The following DIAPH2 variants were observed in gnomAD, a reference collection of about 807,000 sequenced individuals.
DIAPH2 encodes the protein diaphanous related formin 2, also known as protein diaphanous homolog 2.
A neutral mutation model predicts 92.7 loss-of-function variants in DIAPH2; 35 were observed. The ratio of observed to expected loss-of-function variants is 0.38; its 90% CI spans 0.29 to 0.50. The LOEUF (loss-of-function observed/expected upper bound fraction) is 0.50, where lower values mean the gene tolerates loss of function less well. Among genes scored for constraint, DIAPH2 ranks in the 20% least tolerant of loss-of-function variants. The probability of loss-of-function intolerance (pLI) is 0.94; values close to 1 mark genes in which losing one functional copy is unlikely to be tolerated. For missense variants in DIAPH2, 701 were observed against 819.5 expected, an observed-to-expected ratio of 0.86 and a Z score of 1.77; for synonymous variants, 301 against 280.4, an observed-to-expected ratio of 1.07 and a Z score of -0.73.
intron 26 of DIAPH2, among the ~76,000 whole-genome samples, chrX:97,537,094 G>T (rs2071101987): frequency 9.0e-6 from 1 of 111,694 alleles, no homozygotes; most frequent in Non-Finnish European, 1.9e-5. Flanking sequence ...CATCTCAGAA[G>T]CATTAAGGGC....
Position 97,238,209 on chromosome X carries a change from CCTT to C in DIAPH2, c.2720-9505_2720-9503del, listed in dbSNP as rs760756340. On this transcript the variant is annotated intron_variant, in intron 22 of 26. Coordinates refer to ENST00000324765, the MANE Select transcript of DIAPH2 (RefSeq NM_006729.5). Reference sequence around the variant, plus strand: ...AGACAGTTTCAAACTTTCCCTTCCTCCTTGTTTTCTTTTTGTTAGAAGTCTCTC... The same window carrying C: ...AGACAGTTTCAAACTTTCCCTTCCTCGTTTTCTTTTTGTTAGAAGTCTCTC... Among the ~76,000 whole-genome samples the C allele has an allele frequency of 6.8e-3, 767 of 112,035 alleles. 9 individuals are homozygous for C. The highest frequency in any genetic ancestry group is 0.024 in the African/African-American group (737 of 30,899).
At chrX:97,362,496 CTGTT>C (rs755981689) in intron 24 of DIAPH2, among the ~76,000 whole-genome samples, 10 of 112,464 alleles carry the variant, frequency 8.9e-5, no homozygotes, top group African/African-American at 3.2e-4. Context: ...TTATCCTTCA[CTGTT>C]TGCGTTCTGT....
intron 9 of DIAPH2, among the ~76,000 whole-genome samples, chrX:96,921,744 C>T (rs1239487026): frequency 1.0e-5 from 1 of 97,695 alleles, no homozygotes; most frequent in African/African-American, 3.7e-5. Context: ...CCTCCTCTTA[C>T]TTCCTGGGTA....
chrX:97,024,961 C>G (rs187589562), intron 17 of DIAPH2, among the ~76,000 whole-genome samples: 23 of 111,994 alleles, frequency 2.1e-4, no homozygotes, highest in African/African-American at 7.5e-4. Context: ...CGATATATCA[C>G]TGTATTGGAA....
At chrX:97,596,573 CA>C (rs2071553130) in intron 26 of DIAPH2, among the ~76,000 whole-genome samples, 2 of 111,591 alleles carry the variant, frequency 1.8e-5, no homozygotes, top group African/African-American at 6.5e-5. Context: ...GCTCTCAGAT[CA>C]TATCACATGA....
intron 17 of DIAPH2, among the ~76,000 whole-genome samples, chrX:96,979,870 A>G (rs2065983637): frequency 8.9e-6 from 1 of 111,750 alleles, no homozygotes; most frequent in Non-Finnish European, 1.9e-5. Flanking sequence ...GGAGCTAGCC[A>G]GCTGTTTTGG....
intron 23 of DIAPH2, among the ~76,000 whole-genome samples, chrX:97,291,833 C>T (rs1348942997): frequency 9.0e-6 from 1 of 111,435 alleles, no homozygotes; most frequent in African/African-American, 3.3e-5. Flanking sequence ...CCACCGGGCC[C>T]AGCAAGTAAA....
chrX:97,173,640 T>G (rs1198760883), intron 22 of DIAPH2, among the ~76,000 whole-genome samples: 1 of 111,482 alleles, frequency 9.0e-6, no homozygotes, highest in Non-Finnish European at 1.9e-5. Context: ...ACCTGGTGGC[T>G]CAGACCTGTA....
chrX:97,326,361 G>A (rs755934916), intron 23 of DIAPH2, among the ~76,000 whole-genome samples: 6 of 111,778 alleles, frequency 5.4e-5, no homozygotes, highest in South Asian at 3.7e-4. Flanking sequence ...GAATGCGACC[G>A]CCATATATTA....
chrX:96,992,391 C>G (rs1203423609), intron 17 of DIAPH2, among the ~76,000 whole-genome samples: 2 of 111,893 alleles, frequency 1.8e-5, no homozygotes, highest in African/African-American at 6.5e-5. Context: ...CTTTTTAACA[C>G]AAGCCATGTT....
intron 26 of DIAPH2, among the ~76,000 whole-genome samples, chrX:97,465,273 C>CACACACACACA (rs1569404531): frequency 0.011 from 1,170 of 106,846 alleles, 15 homozygotes; most frequent in African/African-American, 0.038. Flanking sequence ...TAGAATTCAC[C>CACACACACACA]CACACACACA....
rs770571340 is a variant in DIAPH2, at chrX:97,075,180, A to G, written c.2166A>G (p.Gly722=). ...ATTTTATTTTAGCCATCTTTCTGGG[A>G]TCATATCGCATGCCATATGAAGACA... ...KTAQNLSIFL[G]SYRMPYEDIR... is the part of the protein sequence containing the mutation. The change falls in exon 19 of 27, where the codon GGA becomes GGG. Residue 722 remains glycine (G), a synonymous_variant. Coordinates refer to ENST00000324765, the MANE Select transcript of DIAPH2 (RefSeq NM_006729.5). The G allele has an allele frequency of 8.5e-7, 1 of 1,178,496 alleles. No homozygotes were observed. The highest frequency in any genetic ancestry group is 1.9e-5 in the South Asian group (1 of 53,159).
At position 96,871,234 on chromosome X, in the gene DIAPH2, C is replaced by A. The variant is rs1046363295; in HGVS notation, c.448-10345C>A. 2.7e-5 allele frequency among the ~76,000 whole-genome samples: 3 copies of A among 110,071 alleles called. No individual in the cohort carries two copies. The Admixed American group carries it at 2.9e-4, about 11-fold the overall frequency. On this transcript the variant is annotated intron_variant, in intron 4 of 26. Coordinates refer to ENST00000324765, the MANE Select transcript of DIAPH2 (RefSeq NM_006729.5). The stretch of plus-strand genomic sequence containing the variant: ...CTGTAATCCCAGCACTTTGGGAGGC[C>A]GAGGCGGGAGGATCATGAGGTCAGG...
At chrX:97,348,629 T>C (rs972169048) in intron 24 of DIAPH2, among the ~76,000 whole-genome samples, 2 of 112,132 alleles carry the variant, frequency 1.8e-5, no homozygotes, top group Admixed American at 9.5e-5. Flanking sequence ...ATCTAGAACT[T>C]TTCACATAAT....
intron 17 of DIAPH2, among the ~76,000 whole-genome samples, chrX:97,064,538 G>A (rs748519359): frequency 6.4e-5 from 7 of 109,685 alleles, no homozygotes; most frequent in South Asian, 4.0e-4. Context: ...TCCATCTCTC[G>A]TCTCTAGTCT....
intron 22 of DIAPH2, among the ~76,000 whole-genome samples, chrX:97,215,524 G>A (rs979278781): frequency 8.9e-6 from 1 of 112,075 alleles, no homozygotes; most frequent in African/African-American, 3.2e-5. Flanking sequence ...CATCAGCCAT[G>A]TCATTATTGA....
intron 26 of DIAPH2, among the ~76,000 whole-genome samples, chrX:97,577,514 A>G (rs1000153374): frequency 2.7e-5 from 3 of 112,170 alleles, no homozygotes; most frequent in Non-Finnish European, 5.6e-5. Flanking sequence ...TGGAGTCGAG[A>G]GGAGAGAAAG....
At chrX:97,464,824 T>C (rs930227297) in intron 26 of DIAPH2, among the ~76,000 whole-genome samples, 3 of 111,709 alleles carry the variant, frequency 2.7e-5, no homozygotes, top group Non-Finnish European at 5.6e-5. Flanking sequence ...CATAAATATA[T>C]ATATATGTAT....
chrX:96,898,572 T>G (rs1242730774), intron 5 of DIAPH2, among the ~76,000 whole-genome samples: 3 of 104,990 alleles, frequency 2.9e-5, no homozygotes, highest in African/African-American at 1.0e-4. Flanking sequence ...TTGATGGGGT[T>G]GTTTGTTTTT....
Sources: gnomAD v4.1 joint callset for allele counts (sites outside exome capture counted in the v4.1 genomes callset) on GRCh38, gnomAD v4.1.1 for gene constraint, MANE v1.5 for transcripts, NCBI Gene and HGNC (gene_info 2026-07-23, HGNC 2026-07-21) for gene names.